Variants in DGKZ observed in about 807,000 individuals in gnomAD.
DGKZ encodes the protein DAG kinase zeta.
Under a neutral mutation model 142.5 loss-of-function variants are expected in DGKZ, and 45 were observed. That is an observed-to-expected ratio of 0.32 (90% confidence interval 0.25 to 0.40). The LOEUF is 0.40. Ranked by LOEUF, DGKZ falls within the 10% of genes least tolerant of loss-of-function variation. DGKZ has a pLI of 1.00. For missense variants in DGKZ, 755 were observed against 1,306.5 expected (o/e 0.58, Z 6.51); for synonymous variants, 442 against 527.0 (o/e 0.84, Z 2.21).
chr11:46,339,920 C>A (rs1374728542), intron 1 of DGKZ, among the ~76,000 whole-genome samples: 4 of 152,194 alleles, frequency 2.6e-5, no homozygotes, highest in African/African-American at 9.7e-5. Context: ...GGGGAAGGAA[C>A]TGGGACTGGA....
At chr11:46,371,414 G>A (rs779230743) in intron 7 of DGKZ, 30 bp downstream of exon 7, 58 of 1,611,700 alleles carry the variant, frequency 3.6e-5, no homozygotes, top group Non-Finnish European at 4.4e-5. Context: ...CCAGGGCCAG[G>A]CCCTGCACTG....
rs888141819 is a variant in DGKZ, at chr11:46,380,024, T to G, written c.*77T>G. 6.6e-5 allele frequency: 92 copies of G among 1,386,636 alleles called. 1 individual carries two copies. The highest frequency in any genetic ancestry group is 8.6e-5 in the Non-Finnish European group (88 of 1,018,334). 85.9% of individuals were successfully genotyped at this position (1,386,636 alleles called of 1,614,324 possible). A position where few individuals can be genotyped will look rare whatever the true frequency, so the allele number is the denominator to read the frequency against. On this transcript the variant is annotated 3_prime_UTR_variant, in exon 31 of 31. Coordinates refer to ENST00000527911, the Ensembl canonical transcript of DGKZ. ...TTCCTTGCCCACCTCACTGCCACAT[T>G]CCAGTGGGACGGCCACGGGGGGACC... is the stretch of plus-strand genomic sequence containing the variant.
At chr11:46,364,359 C>T (rs1943023685) in intron 1 of DGKZ, 1 of 1,288,770 alleles carries the variant, frequency 7.8e-7, no homozygotes, top group Non-Finnish European at 1.0e-6. Context: ...CAGTGCCTGA[C>T]ACATAGGGGC....
intron 1 of DGKZ, among the ~76,000 whole-genome samples, chr11:46,349,277 A>G (rs1941068475): frequency 6.6e-6 from 1 of 152,212 alleles, no homozygotes; most frequent in Non-Finnish European, 1.5e-5. Context: ...CAGCCCTGCA[A>G]GATGGAGCAG....
At chr11:46,357,657 C>T (rs756738398) in intron 1 of DGKZ, among the ~76,000 whole-genome samples, 3 of 152,246 alleles carry the variant, frequency 2.0e-5, no homozygotes, top group Admixed American at 2.0e-4. Context: ...TGCCCAGATG[C>T]GCTAGACCTG....
chr11:46,363,075 T>TA (rs1942847471), intron 1 of DGKZ, among the ~76,000 whole-genome samples: 1 of 152,152 alleles, frequency 6.6e-6, no homozygotes, highest in Non-Finnish European at 1.5e-5. Context: ...CCTTTACACG[T>TA]ACTGTGTGGC....
chr11:46,367,979 G>C lies in DGKZ; in HGVS notation c.367-23G>C. The C allele has an allele frequency of 6.2e-7, 1 of 1,613,590 alleles. No homozygotes were observed. The highest frequency in any genetic ancestry group is 1.1e-5 in the South Asian group (1 of 91,044). The stretch of plus-strand genomic sequence containing the variant: ...AGATAGACTTACCTGGTGCCTCAGG[G>C]GCCCTCTCTTCCTGTCCTGCAGCAG... On this transcript the variant is annotated intron_variant, in intron 3 of 30. Coordinates refer to ENST00000527911, the Ensembl canonical transcript of DGKZ. The surrounding 1 kb of genome is among the most constrained non-coding windows in gnomAD (Gnocchi z 4.1).
rs1487476355 is a variant in DGKZ at position 46,376,661 on chromosome 11, A to T, written c.2202+97A>T. 7 of 1,493,430 alleles carry T rather than the reference A, an allele frequency of 4.7e-6. No homozygotes were observed. In the African/African-American group the frequency reaches 9.7e-5, roughly 21 times the overall value. 92.5% of individuals were successfully genotyped at this position (1,493,430 alleles called of 1,614,324 possible). A position where few individuals can be genotyped will look rare whatever the true frequency, so the allele number is the denominator to read the frequency against. On this transcript the variant is annotated intron_variant, in intron 24 of 30. Transcript: ENST00000527911. ...CCCTGTTAGCTCCCCCGATGGGCTCACCTCTGTCCTCATGCCTCTGAGAGC... is the reference window on the plus strand; with the variant it reads ...CCCTGTTAGCTCCCCCGATGGGCTCTCCTCTGTCCTCATGCCTCTGAGAGC...
At chr11:46,375,434 C>T (rs1400532378) in exon 20 of DGKZ, 21 of 1,569,438 alleles carry the variant, frequency 1.3e-5, no homozygotes, top group Non-Finnish European at 1.7e-5. Flanking sequence ...GCCCACAGGC[C>T]GCGCTGCAGG....
At chr11:46,359,097 AAC>A (rs1197267472) in intron 1 of DGKZ, among the ~76,000 whole-genome samples, 1 of 151,630 alleles carries the variant, frequency 6.6e-6, no homozygotes, top group Non-Finnish European at 1.5e-5. Context: ...CTGAGATCGC[AAC>A]ACTGCACTCC....
In DGKZ at chr11:46,374,383, G is replaced by C. The variant is rs1944309954; in HGVS notation, c.1406-16G>C. 1 of 1,613,880 alleles carries C rather than the reference G, an allele frequency of 6.2e-7. No individual in the cohort carries two copies. Among genetic ancestry groups the C allele is most frequent in the South Asian group, 1.1e-5 (1 of 91,082 alleles). ...CTGGGGTGACTCACTGGCCCCCACT[G>C]CTTGTCTCCACCCAGAGGCCAACCC... On this transcript the variant is annotated splice_polypyrimidine_tract_variant and intron_variant, in intron 15 of 30. Coordinates refer to ENST00000527911, the Ensembl canonical transcript of DGKZ.
At chr11:46,333,262 A>G in exon 1 of DGKZ, 1 of 1,248,700 alleles carries the variant, frequency 8.0e-7, no homozygotes. Flanking sequence ...CCGCGGGCGG[A>G]AGGCGGCCGC....
At position 46,371,540 on chromosome 11, in the gene DGKZ, G is replaced by A. The variant is rs150065256; in HGVS notation, c.696G>A (p.Ser232=). The A allele has an allele frequency of 6.6e-5, 107 of 1,610,654 alleles. No individual in the cohort carries two copies. Among genetic ancestry groups the A allele is most frequent in the African/African-American group, 2.5e-4 (19 of 75,004 alleles). The change falls in exon 8 of 31, where the codon TCG becomes TCA. Residue 232 remains serine (S), a synonymous_variant. Coordinates refer to ENST00000527911, the Ensembl canonical transcript of DGKZ. Reference sequence around the variant, plus strand: ...TGCAGCAGATCGAGGAGCCGTGCTCGCTGGGGGTCCACGCAGCCGTGGTCA... The same window carrying A: ...TGCAGCAGATCGAGGAGCCGTGCTCACTGGGGGTCCACGCAGCCGTGGTCA...
At chr11:46,346,397 C>A (rs1940619468), upstream of DGKZ, among the ~76,000 whole-genome samples, 1 of 109,276 alleles carries the variant, frequency 9.2e-6, no homozygotes, top group Admixed American at 8.3e-5. Context: ...CCTTCGTCAG[C>A]CCTGCGGGGG....
At chr11:46,359,789 T>G (rs906729929) in intron 1 of DGKZ, among the ~76,000 whole-genome samples, 4 of 138,054 alleles carry the variant, frequency 2.9e-5, no homozygotes, top group Non-Finnish European at 4.7e-5. Context: ...TTTTTTTTTT[T>G]GTATTGTTAG....
At chr11:46,374,562 A>C in intron 16 of DGKZ, 42 bp from the exon 17 acceptor site, 1 of 1,602,694 alleles carries the variant, frequency 6.2e-7, no homozygotes, top group Non-Finnish European at 8.5e-7. Context: ...TGGTGAGGAA[A>C]GATCTCTGTC....
chr11:46,363,647 C>T lies in DGKZ; in HGVS notation c.162-3644C>T, dbSNP rs1942933336. 3.3e-5 allele frequency among the ~76,000 whole-genome samples: 5 copies of T among 152,230 alleles called. No individual in the cohort carries two copies. In the South Asian group the frequency reaches 8.3e-4, roughly 25 times the overall value. On this transcript the variant is annotated intron_variant, in intron 1 of 30. Transcript: ENST00000527911. ...TGGGCTCAGCCCTCACCGCTGCCCA[C>T]GGGTGCAGCGGCACCTCCCCCCACT...
intron 1 of DGKZ, among the ~76,000 whole-genome samples, chr11:46,349,825 T>C (rs908449954): frequency 6.6e-6 from 1 of 152,246 alleles, no homozygotes; most frequent in Non-Finnish European, 1.5e-5. Context: ...TCCACATCCC[T>C]TTCTCTATAC....
chr11:46,374,358 C>A, intron 15 of DGKZ, 41 bp from the exon 16 acceptor site: 1 of 1,613,402 alleles, frequency 6.2e-7, no homozygotes, highest in Non-Finnish European at 8.5e-7. Flanking sequence ...CCTGGGCAGG[C>A]TGGGGTGACT....
Sources: allele counts gnomAD v4.1 joint callset (sites outside exome capture counted in the v4.1 genomes callset), GRCh38; gene constraint gnomAD v4.1.1; non-coding constraint Gnocchi (gnomAD v3.1); transcripts MANE v1.5; gene names NCBI Gene and HGNC (gene_info 2026-07-23, HGNC 2026-07-21).